The following SHANK2 variants were observed in gnomAD, a reference collection of about 807,000 sequenced individuals.
The protein encoded by SHANK2 is SH3 and multiple ankyrin repeat domains 2, also known as SH3 and multiple ankyrin repeat domains protein 2.
SHANK2 carries 43 observed loss-of-function variants against 133.7 expected under a neutral mutation model. The ratio of observed to expected loss-of-function variants is 0.32; its 90% CI spans 0.25 to 0.41. SHANK2 has a LOEUF of 0.41. SHANK2 is among the 10% of genes least tolerant of loss of function. The pLI is 1.00. For synonymous variants in SHANK2, 1,017 were observed against 952.8 expected, an observed-to-expected ratio of 1.07 and a Z score of -1.24; for missense variants, 1,994 against 2,235.8, an observed-to-expected ratio of 0.89 and a Z score of 2.18.
intron 3 of SHANK2, among the ~76,000 whole-genome samples, chr11:71,120,754 C>G (rs1253128107): frequency 2.0e-5 from 3 of 152,186 alleles, no homozygotes; most frequent in Non-Finnish European, 4.4e-5. Context: ...AAGAAACAAG[C>G]TGTATCAGGT....
At chr11:71,187,258 A>C (rs1323718623) in intron 2 of SHANK2, among the ~76,000 whole-genome samples, 1 of 152,238 alleles carries the variant, frequency 6.6e-6, no homozygotes, top group African/African-American at 2.4e-5. Flanking sequence ...TGATGTAGAC[A>C]TGAGGGGTAG....
intron 12 of SHANK2, among the ~76,000 whole-genome samples, chr11:70,809,297 C>T (rs1297099688): frequency 3.9e-5 from 6 of 152,178 alleles, no homozygotes; most frequent in African/African-American, 1.2e-4. Context: ...GCCTCTGAGG[C>T]GATGGAGGCA....
At chr11:70,676,661 G>C (rs1446529151) in intron 15 of SHANK2, among the ~76,000 whole-genome samples, 1 of 152,194 alleles carries the variant, frequency 6.6e-6, no homozygotes, top group Non-Finnish European at 1.5e-5. Context: ...TTGGAGCTTG[G>C]AGTGAGGGGG....
At chr11:70,606,666 G>C (rs10219267) in intron 17 of SHANK2, among the ~76,000 whole-genome samples, 13,854 of 152,014 alleles carry the variant, frequency 0.091, 1,486 homozygotes, top group African/African-American at 0.25. Context: ...GTGTCTTTGA[G>C]GGCCTGTGGT....
intron 14 of SHANK2, among the ~76,000 whole-genome samples, chr11:70,773,119 G>A (rs574630384): frequency 1.1e-4 from 16 of 152,288 alleles, no homozygotes; most frequent in African/African-American, 3.6e-4. Flanking sequence ...ACCAGAGAGA[G>A]GCCTTCTAGA....
chr11:70,490,237 C>A (rs782287174), intron 23 of SHANK2, 39 bp downstream of exon 23: 1 of 1,554,162 alleles, frequency 6.4e-7, no homozygotes, highest in Non-Finnish European at 8.9e-7. Context: ...GTTTGAAAGC[C>A]CAGGGGCAAC....
At chr11:70,906,242 G>A (rs188530553) in intron 10 of SHANK2, among the ~76,000 whole-genome samples, 1 of 152,222 alleles carries the variant, frequency 6.6e-6, no homozygotes, top group Non-Finnish European at 1.5e-5. Context: ...GCTGGGACAT[G>A]GGCAGCACAT....
intron 17 of SHANK2, among the ~76,000 whole-genome samples, chr11:70,542,227 A>C (rs781873515): frequency 6.6e-6 from 1 of 152,182 alleles, no homozygotes; most frequent in Non-Finnish European, 1.5e-5. Flanking sequence ...AGATATAATT[A>C]AGTTAAGGAT....
chr11:70,924,339 G>A (rs1438989585), intron 10 of SHANK2, among the ~76,000 whole-genome samples: 5 of 1,884 alleles, frequency 2.7e-3, no homozygotes, highest in South Asian at 0.062. Context: ...CCTGGGACAC[G>A]CTGCTCCTAG....
chr11:71,088,148 C>T (rs904671581), intron 8 of SHANK2, among the ~76,000 whole-genome samples: 120 of 152,268 alleles, frequency 7.9e-4, no homozygotes, highest in African/African-American at 2.8e-3. Context: ...AGACTGAGGT[C>T]CCCTGAGGAG....
At chr11:71,241,582 C>T (rs1445482775) in intron 1 of SHANK2, among the ~76,000 whole-genome samples, 2 of 152,252 alleles carry the variant, frequency 1.3e-5, no homozygotes, top group African/African-American at 4.8e-5. Flanking sequence ...ACACTCTCCC[C>T]CCTGCTACTG....
intron 9 of SHANK2, among the ~76,000 whole-genome samples, chr11:71,061,971 CTT>C (rs1216736346): frequency 2.0e-4 from 22 of 109,554 alleles, no homozygotes; most frequent in African/African-American, 5.8e-4. Flanking sequence ...GTCTTTCTTT[CTT>C]TTTTTTTTTT....
intron 10 of SHANK2, among the ~76,000 whole-genome samples, chr11:70,932,289 C>G (rs1950514227): frequency 6.6e-6 from 1 of 152,222 alleles, no homozygotes; most frequent in African/African-American, 2.4e-5. Context: ...TTTCCAGATG[C>G]ACTCATTTTT....
rs782448285 is a variant in SHANK2 at position 70,473,032 on chromosome 11, T to G, written c.5387A>C (p.Glu1796Ala). 6.2e-7 allele frequency: 1 copy of G among 1,614,168 alleles called. No individual in the cohort carries two copies. Among genetic ancestry groups the G allele is most frequent in the Non-Finnish European group, 8.5e-7 (1 of 1,180,038 alleles). ...TTTATGTTCACCCAAGTTTAGACTT[T>G]CCAGCCAATCGGCCACATCTGGTTT... ...WTKPDVADWL[E>A]SLNLGEHKEA... The change falls in exon 26 of 26, where the codon GAA becomes GCA. Residue 1796 changes from glutamate (E) to alanine (A), a missense_variant. By Grantham distance (107) the Glu-to-Ala change is moderately radical. Transcript: ENST00000601538. This position sits in a 1 kb window ranked among gnomAD's most constrained non-coding sequence, Gnocchi z 5.9.
At chr11:71,166,628 C>G (rs1953157361) in intron 2 of SHANK2, among the ~76,000 whole-genome samples, 3 of 151,606 alleles carry the variant, frequency 2.0e-5, no homozygotes, top group Admixed American at 2.0e-4. Context: ...ATTACAGGCT[C>G]CTGCCACCAC....
intron 15 of SHANK2, among the ~76,000 whole-genome samples, chr11:70,670,968 C>T (rs1034667979): frequency 1.3e-5 from 2 of 152,214 alleles, no homozygotes; most frequent in Non-Finnish European, 2.9e-5. Flanking sequence ...CTGGCGGAAG[C>T]CATTTCTCAA....
At chr11:70,519,652 A>C (rs1554970670) in intron 17 of SHANK2, among the ~76,000 whole-genome samples, 4 of 152,220 alleles carry the variant, frequency 2.6e-5, no homozygotes. Context: ...CGTCTCAAAA[A>C]AAAACAAAAA....
intron 10 of SHANK2, among the ~76,000 whole-genome samples, chr11:70,904,330 C>T (rs1359471365): frequency 6.6e-6 from 1 of 152,048 alleles, no homozygotes; most frequent in African/African-American, 2.4e-5. Flanking sequence ...TGCTCAGGTC[C>T]CGCAGGTGGC....
In SHANK2 at chr11:70,807,212, C is replaced by T. The variant is rs1555052168; in HGVS notation, c.1494-41G>A. The T allele has an allele frequency of 5.7e-6, 4 of 702,012 alleles. No homozygotes were observed. The Admixed American group carries it at 8.7e-5, about 15-fold the overall frequency. 43.5% of individuals were successfully genotyped at this position (702,012 alleles called of 1,614,324 possible). ...GGGGCAGAGAGAGAGAGAGCAGAGT[C>T]ACAAGGTCACAAGCCACATGCCACA... On this transcript the variant is annotated intron_variant, in intron 12 of 25. Transcript: ENST00000601538. The surrounding 1 kb of genome is among the most constrained non-coding windows in gnomAD (Gnocchi z 4.8).
Sources: gnomAD v4.1 joint callset for allele counts (sites outside exome capture counted in the v4.1 genomes callset) on GRCh38, gnomAD v4.1.1 for gene constraint, Gnocchi (gnomAD v3.1) non-coding constraint, MANE v1.5 for transcripts, NCBI Gene and HGNC (gene_info 2026-07-23, HGNC 2026-07-21) for gene names.